Variants in STK3 observed in about 807,000 individuals in gnomAD.
The protein encoded by STK3 is serine/threonine kinase 3, also known as serine/threonine-protein kinase 3.
A neutral mutation model predicts 58.0 loss-of-function variants in STK3; 41 were observed. That is an observed-to-expected ratio of 0.71 (90% confidence interval 0.55 to 0.92). The LOEUF is 0.92. Among genes scored for constraint, STK3 ranks in the 40% least tolerant of loss-of-function variants. The pLI is 0.00. For synonymous variants in STK3, 170 were observed against 191.0 expected (o/e 0.89, Z 0.91); for missense variants, 479 against 602.7 (o/e 0.79, Z 2.15).
chr8:98,710,959 G>A (rs1461691838), intron 4 of STK3, among the ~76,000 whole-genome samples: 2 of 152,178 alleles, frequency 1.3e-5, no homozygotes, highest in Non-Finnish European at 2.9e-5. Flanking sequence ...GGAACGATCA[G>A]GCAGCAACAT....
chr8:98,435,441 G>A (rs1216324696), intron 2 of STK3, among the ~76,000 whole-genome samples: 1 of 152,160 alleles, frequency 6.6e-6, no homozygotes, highest in Admixed American at 6.5e-5. Context: ...TTGTCACCAG[G>A]GTACAGATAT....
At chr8:98,678,259 G>A (rs914425367) in intron 6 of STK3, among the ~76,000 whole-genome samples, 6 of 151,978 alleles carry the variant, frequency 3.9e-5, no homozygotes, top group African/African-American at 1.2e-4. Flanking sequence ...TCCTCCAATA[G>A]AGAGTTCTTA....
chr8:98,417,097 A>G (rs1387411217), intron 3 of STK3, among the ~76,000 whole-genome samples: 1 of 152,248 alleles, frequency 6.6e-6, no homozygotes, highest in Non-Finnish European at 1.5e-5. Context: ...GGCTCAGAGC[A>G]GAGCTGAGTG....
At chr8:98,527,847 G>C (rs997764884) in intron 9 of STK3, among the ~76,000 whole-genome samples, 3 of 152,068 alleles carry the variant, frequency 2.0e-5, no homozygotes, top group African/African-American at 7.2e-5. Context: ...AACTTTGCTA[G>C]CTATTAGACA....
intron 10 of STK3, among the ~76,000 whole-genome samples, chr8:98,492,155 T>G (rs1009781702): frequency 6.6e-6 from 1 of 152,180 alleles, no homozygotes; most frequent in East Asian, 1.9e-4. Context: ...TGACACACAC[T>G]AATAATTGTT....
At chr8:98,795,117 T>TAC (rs1564008740) in intron 1 of STK3, among the ~76,000 whole-genome samples, 9 of 103,440 alleles carry the variant, frequency 8.7e-5, no homozygotes, top group African/African-American at 3.5e-4. Flanking sequence ...TATATATATA[T>TAC]ATATATATAT....
chr8:98,765,950 A>G (rs1021519064), intron 3 of STK3, among the ~76,000 whole-genome samples: 1 of 152,192 alleles, frequency 6.6e-6, no homozygotes, highest in African/African-American at 2.4e-5. Flanking sequence ...ACCTCATTTC[A>G]TTCTGTTCTC....
At chr8:98,581,895 G>A (rs756592718) in intron 7 of STK3, among the ~76,000 whole-genome samples, 12 of 151,920 alleles carry the variant, frequency 7.9e-5, no homozygotes, top group Non-Finnish European at 1.3e-4. Context: ...CTTTAATGAG[G>A]AAGTATAGAG....
chr8:98,707,408 G>A, intron 4 of STK3, 97 bp from the exon 5 acceptor site: 1 of 951,708 alleles, frequency 1.1e-6, no homozygotes, highest in South Asian at 1.9e-5. Flanking sequence ...CCGTGTGTGT[G>A]TGTGTGTTTT....
chr8:98,703,457 C>T (rs922847444), intron 6 of STK3, among the ~76,000 whole-genome samples: 2 of 152,118 alleles, frequency 1.3e-5, no homozygotes, highest in Non-Finnish European at 1.5e-5. Flanking sequence ...GTGTCATATC[C>T]TACCAGCTTT....
intron 1 of STK3, among the ~76,000 whole-genome samples, chr8:98,903,982 C>T (rs913878309): frequency 9.9e-5 from 15 of 152,088 alleles, no homozygotes; most frequent in African/African-American, 3.1e-4. Context: ...GACCACTATG[C>T]TCATGTTTAT....
intron 3 of STK3, among the ~76,000 whole-genome samples, chr8:98,426,322 G>A (rs1377298890): frequency 6.6e-6 from 1 of 152,164 alleles, no homozygotes; most frequent in Non-Finnish European, 1.5e-5. Context: ...ATCCGACAGA[G>A]GACCCATTTT....
chr8:98,915,007 C>A (rs1839290125), intron 1 of STK3, among the ~76,000 whole-genome samples: 1 of 152,120 alleles, frequency 6.6e-6, no homozygotes, highest in Non-Finnish European at 1.5e-5. Flanking sequence ...TGTCTCTGAG[C>A]TTTGGTTTCT....
At chr8:98,740,429 G>C (rs1829092950) in intron 4 of STK3, among the ~76,000 whole-genome samples, 1 of 152,140 alleles carries the variant, frequency 6.6e-6, no homozygotes, top group Admixed American at 6.5e-5. Flanking sequence ...AAGACAGTGG[G>C]GGCCAATATT....
chr8:98,785,134 G>A (rs1441471768), intron 1 of STK3, among the ~76,000 whole-genome samples: 1 of 151,036 alleles, frequency 6.6e-6, no homozygotes, highest in Non-Finnish European at 1.5e-5. Flanking sequence ...GGCATATTGG[G>A]CCATGCCACT....
the STK3 span, among the ~76,000 whole-genome samples, chr8:98,361,623 T>A: frequency 6.6e-6 from 1 of 152,180 alleles, no homozygotes; most frequent in Admixed American, 6.5e-5. Flanking sequence ...TCTGTTTGGG[T>A]TGCCTTGAAG....
At chr8:98,644,152 T>C (rs748886447) in intron 6 of STK3, among the ~76,000 whole-genome samples, 2 of 152,242 alleles carry the variant, frequency 1.3e-5, no homozygotes, top group East Asian at 3.8e-4. Context: ...CCAAGTTTTA[T>C]ATTATTTAGC....
At chr8:98,372,634 T>A (rs1476836524) in intron 2 of STK3, among the ~76,000 whole-genome samples, 1 of 150,818 alleles carries the variant, frequency 6.6e-6, no homozygotes, top group African/African-American at 2.4e-5. Flanking sequence ...AGCACCAACA[T>A]CCTCGCTACT....
intron 10 of STK3, among the ~76,000 whole-genome samples, chr8:98,467,516 C>T (rs1481495009): frequency 6.6e-6 from 1 of 150,568 alleles, no homozygotes; most frequent in South Asian, 2.1e-4. Context: ...CTTTTGATGT[C>T]ATAGTACACA....
Sources: allele counts gnomAD v4.1 joint callset (sites outside exome capture counted in the v4.1 genomes callset), GRCh38; gene constraint gnomAD v4.1.1; transcripts MANE v1.5; gene names NCBI Gene and HGNC (gene_info 2026-07-23, HGNC 2026-07-21).